The following STT3B variants were observed in gnomAD, a reference collection of about 807,000 sequenced individuals.
The protein encoded by STT3B is dolichyl-diphosphooligosaccharide--protein glycosyltransferase subunit STT3B.
In STT3B, 29 loss-of-function variants were observed where a neutral mutation model predicts 96.8. That is an observed-to-expected ratio of 0.30 (90% CI 0.22 to 0.41). The LOEUF (loss-of-function observed/expected upper bound fraction) is 0.41. Among genes scored for constraint, STT3B ranks in the 10% least tolerant of loss-of-function variants. STT3B has a pLI of 1.00. For synonymous variants in STT3B, 367 were observed against 360.0 expected (o/e 1.02, Z -0.22); for missense variants, 640 against 1,022.3 (o/e 0.63, Z 5.10).
intron 1 of STT3B, among the ~76,000 whole-genome samples, chr3:31,545,418 CTG>C (rs1421275189): frequency 2.6e-5 from 4 of 152,252 alleles, no homozygotes; most frequent in Non-Finnish European, 5.9e-5. Context: ...GATGTTATAA[CTG>C]TGTAAGAATC....
rs72856005 is a variant in STT3B at position 31,561,716 on chromosome 3, T to C, written c.315-14680T>C. Among the ~76,000 whole-genome samples the C allele has an allele frequency of 2.7e-3, 411 of 152,342 alleles. 2 individuals carry two copies. Among genetic ancestry groups the C allele is most frequent in the African/African-American group, 9.7e-3 (403 of 41,578 alleles). On this transcript the variant is annotated intron_variant, in intron 1 of 15. Transcript: ENST00000295770. Reference sequence around the variant, plus strand: ...GAGGTGTATCATATTTTCTTTTTTATGTTTCCTGTGTTTTTACTTTGGTAT... The same window carrying C: ...GAGGTGTATCATATTTTCTTTTTTACGTTTCCTGTGTTTTTACTTTGGTAT...
chr3:31,617,847 T>A, intron 7 of STT3B, 93 bp from the exon 8 acceptor site: 1 of 870,560 alleles, frequency 1.1e-6, no homozygotes, highest in Non-Finnish European at 1.9e-6. Flanking sequence ...CATTAGTTTG[T>A]CTATCTATAA....
chr3:31,587,525 G>C (rs1397490320), intron 3 of STT3B, among the ~76,000 whole-genome samples: 1 of 151,852 alleles, frequency 6.6e-6, no homozygotes, highest in African/African-American at 2.4e-5. Flanking sequence ...GACCTTACCT[G>C]TTTTACATCT....
chr3:31,554,383 C>G (rs1697640916), intron 1 of STT3B, among the ~76,000 whole-genome samples: 1 of 152,114 alleles, frequency 6.6e-6, no homozygotes, highest in Admixed American at 6.5e-5. Flanking sequence ...GGTTACATAG[C>G]TTTTTGTCTA....
At chr3:31,595,476 C>T (rs1339681356) in intron 3 of STT3B, among the ~76,000 whole-genome samples, 2 of 152,096 alleles carry the variant, frequency 1.3e-5, no homozygotes, top group Non-Finnish European at 2.9e-5. Context: ...CCTGCTTTGA[C>T]ATTTTGACCA....
chr3:31,571,889 T>C (rs1178812124), intron 1 of STT3B, among the ~76,000 whole-genome samples: 1 of 149,246 alleles, frequency 6.7e-6, no homozygotes, highest in Non-Finnish European at 1.5e-5. Context: ...TGATATGTTA[T>C]AAATTTAGGT....
intron 12 of STT3B, 34 bp from the exon 13 acceptor site, chr3:31,625,919 TC>T: frequency 6.5e-7 from 1 of 1,532,726 alleles, no homozygotes; most frequent in Non-Finnish European, 8.8e-7. Flanking sequence ...GTGGGAATAA[TC>T]AAAAACATTC....
At chr3:31,543,288 A>G (rs960441314) in intron 1 of STT3B, among the ~76,000 whole-genome samples, 1 of 152,168 alleles carries the variant, frequency 6.6e-6, no homozygotes, top group Non-Finnish European at 1.5e-5. Flanking sequence ...GACTTAAGTT[A>G]TTTGTTCTTT....
chr3:31,635,413 G>C (rs1420057678), intron 15 of STT3B, among the ~76,000 whole-genome samples: 2 of 152,136 alleles, frequency 1.3e-5, no homozygotes, highest in Non-Finnish European at 2.9e-5. Context: ...ATTTTTAAAA[G>C]ATGTATGAAA....
intron 1 of STT3B, among the ~76,000 whole-genome samples, chr3:31,555,075 A>T (rs1161825510): frequency 6.6e-6 from 1 of 152,140 alleles, no homozygotes; most frequent in Non-Finnish European, 1.5e-5. Context: ...AAGAATGATG[A>T]AAAAGAAATA....
Position 31,601,642 on chromosome 3 carries a change from G to C in STT3B, c.877+1183G>C, listed in dbSNP as rs77364699. Among the ~76,000 whole-genome samples the C allele has an allele frequency of 6.1e-3, 931 of 152,210 alleles. 17 individuals are homozygous for C. The highest frequency in any genetic ancestry group is 0.021 in the African/African-American group (866 of 41,516). ...AGAGGAGAGGTGTGACTGTTGAATG[G>C]ATATGGGGTCTCTTTCAAGGATGAG... On this transcript the variant is annotated intron_variant, in intron 5 of 15. Transcript: ENST00000295770.
Position 31,625,139 on chromosome 3 carries a change from C to T in STT3B, c.1899+54C>T, listed in dbSNP as rs573775820. 194 of 1,516,980 alleles carry T rather than the reference C, an allele frequency of 1.3e-4. No individual in the cohort carries two copies. The African/African-American group carries it at 2.2e-3, about 17-fold the overall frequency. 94.0% of individuals were successfully genotyped at this position (1,516,980 alleles called of 1,614,324 possible). ...AAATCTTTATTCACTCCTTAGCAAT[C>T]AGGCTTCACTTGTGACTAAATAGGA... On this transcript the variant is annotated intron_variant, in intron 12 of 15. Coordinates refer to ENST00000295770, the MANE Select transcript of STT3B (RefSeq NM_178862.3).
At chr3:31,543,712 T>C (rs1697336686) in intron 1 of STT3B, among the ~76,000 whole-genome samples, 1 of 152,236 alleles carries the variant, frequency 6.6e-6, no homozygotes, top group South Asian at 2.1e-4. Context: ...ATAATGCTTA[T>C]GGAAGAAATG....
At chr3:31,556,309 A>T (rs749664561) in intron 1 of STT3B, among the ~76,000 whole-genome samples, 46 of 151,902 alleles carry the variant, frequency 3.0e-4, no homozygotes, top group Non-Finnish European at 4.7e-4. Context: ...CTGTTGATGG[A>T]CTCCTAGGTT....
intron 3 of STT3B, among the ~76,000 whole-genome samples, chr3:31,588,875 A>G (rs1421832942): frequency 1.3e-5 from 2 of 151,840 alleles, no homozygotes; most frequent in Non-Finnish European, 2.9e-5. Context: ...CTTTTCCCAC[A>G]CTGTCTTGAT....
chr3:31,609,041 G>A (rs912256859), intron 5 of STT3B, among the ~76,000 whole-genome samples: 1 of 152,124 alleles, frequency 6.6e-6, no homozygotes, highest in Non-Finnish European at 1.5e-5. Flanking sequence ...CTTGAACCTG[G>A]GAGGCGGAGG....
At chr3:31,549,978 T>G (rs1045053040) in intron 1 of STT3B, among the ~76,000 whole-genome samples, 1 of 152,218 alleles carries the variant, frequency 6.6e-6, no homozygotes, top group African/African-American at 2.4e-5. Flanking sequence ...CTTAGATTTT[T>G]TTTTCAGATT....
At chr3:31,587,057 G>A (rs984076046) in intron 3 of STT3B, among the ~76,000 whole-genome samples, 1 of 151,956 alleles carries the variant, frequency 6.6e-6, no homozygotes, top group African/African-American at 2.4e-5. Context: ...TTTTCTGGGC[G>A]ATCAGGTTAG....
At chr3:31,559,850 T>C (rs760651281) in intron 1 of STT3B, among the ~76,000 whole-genome samples, 3 of 152,168 alleles carry the variant, frequency 2.0e-5, no homozygotes, top group Non-Finnish European at 4.4e-5. Context: ...TAATATTTGC[T>C]TTATATATCT....
Sources: allele counts gnomAD v4.1 joint callset (sites outside exome capture counted in the v4.1 genomes callset), GRCh38; gene constraint gnomAD v4.1.1; transcripts MANE v1.5; gene names NCBI Gene and HGNC (gene_info 2026-07-23, HGNC 2026-07-21).